The following LAMA4 variants were observed in gnomAD, a reference collection of about 807,000 sequenced individuals.
LAMA4 encodes the protein laminin subunit alpha 4.
Under a neutral mutation model 207.1 loss-of-function variants are expected in LAMA4, and 127 were observed. That is an observed-to-expected ratio of 0.61 (90% confidence interval 0.53 to 0.71). The LOEUF (loss-of-function observed/expected upper bound fraction) is 0.71. Among genes scored for constraint, LAMA4 ranks in the 30% least tolerant of loss-of-function variants. The probability of loss-of-function intolerance (pLI) is 0.00; values close to 1 mark genes in which losing one functional copy is unlikely to be tolerated. For missense variants in LAMA4, 2,093 were observed against 2,246.5 expected (o/e 0.93, Z 1.38); for synonymous variants, 761 against 816.0 (o/e 0.93, Z 1.15).
chr6:112,222,857 A>G (rs1554361001), intron 2 of LAMA4, among the ~76,000 whole-genome samples: 2 of 152,190 alleles, frequency 1.3e-5, no homozygotes, highest in East Asian at 3.8e-4. Context: ...CAGCCCCTAC[A>G]GCCGTACAGG....
At chr6:112,132,932 T>A in intron 27 of LAMA4, 42 bp from the exon 28 acceptor site, 1 of 1,596,478 alleles carries the variant, frequency 6.3e-7, no homozygotes, top group Non-Finnish European at 8.6e-7. Flanking sequence ...TTGAGAATTA[T>A]CAAATGCTTA....
At position 112,115,749 on chromosome 6, in the gene LAMA4, A is replaced by G. The variant is rs1254455866; in HGVS notation, c.5112+114T>C. ...TTACATTTCATGTTATAGCTTTCCT[A>G]TATTTCTTTTCAGTTAGGAAAGATT... On this transcript the variant is annotated intron_variant, in intron 36 of 38. Coordinates refer to ENST00000230538, the MANE Select transcript of LAMA4 (RefSeq NM_001105206.3). The G allele has an allele frequency of 3.9e-5, 44 of 1,136,872 alleles. No homozygotes were observed. The Admixed American group carries it at 6.9e-4, about 18-fold the overall frequency. 70.4% of individuals were successfully genotyped at this position (1,136,872 alleles called of 1,614,324 possible). A position where few individuals can be genotyped will look rare whatever the true frequency, so the allele number is the denominator to read the frequency against.
In LAMA4 at chr6:112,150,401, T is replaced by C. The variant is rs961508174; in HGVS notation, c.2173+110A>G. ...CGTATTTTGTCATCAGAAAATAACA[T>C]TTATGTATAAAATCATTGACAAACA... On this transcript the variant is annotated intron_variant, in intron 17 of 38. Coordinates refer to ENST00000230538, the MANE Select transcript of LAMA4 (RefSeq NM_001105206.3). 1.5e-5 allele frequency: 12 copies of C among 820,942 alleles called. No individual in the cohort carries two copies. In the African/African-American group the frequency reaches 1.6e-4, roughly 11 times the overall value. The allele number at this position is 820,942 out of a possible 1,614,324, so 50.9% of individuals were successfully genotyped here.
chr6:112,163,273 A>G (rs1331245482), intron 13 of LAMA4, among the ~76,000 whole-genome samples: 2 of 152,002 alleles, frequency 1.3e-5, no homozygotes, highest in Non-Finnish European at 2.9e-5. Flanking sequence ...GAGCCACTGC[A>G]CCAAACCAAA....
intron 38 of LAMA4, among the ~76,000 whole-genome samples, chr6:112,110,939 C>A (rs1777653867): frequency 6.6e-6 from 1 of 152,012 alleles, no homozygotes; most frequent in Non-Finnish European, 1.5e-5. Flanking sequence ...AGAATGTTTC[C>A]CAGGTTGAAT....
intron 25 of LAMA4, 45 bp from the exon 26 acceptor site, chr6:112,134,654 T>C (rs1779228416): frequency 2.1e-6 from 3 of 1,462,162 alleles, no homozygotes; most frequent in South Asian, 1.1e-5. Context: ...CTATTTAATA[T>C]TCAGTTCTTT....
At chr6:112,143,284 CTTTTT>C (rs61620762) in intron 19 of LAMA4, among the ~76,000 whole-genome samples, 1 of 124,882 alleles carries the variant, frequency 8.0e-6, no homozygotes. Context: ...AAAACTAATA[CTTTTT>C]TTTTTTTTTT....
rs1778184898 is a variant in LAMA4, at chr6:112,118,920, C to G, written c.4821+236G>C. Reference sequence around the variant, plus strand: ...TAAATTTTCATGATAATTTATGCCTCTGAAACTTTTTCATTTGACATCTAC... The same window carrying G: ...TAAATTTTCATGATAATTTATGCCTGTGAAACTTTTTCATTTGACATCTAC... On this transcript the variant is annotated intron_variant, in intron 34 of 38. Coordinates refer to ENST00000230538, the MANE Select transcript of LAMA4 (RefSeq NM_001105206.3). The surrounding 1 kb of genome is among the most constrained non-coding windows in gnomAD (Gnocchi z 4.6). Among the ~76,000 whole-genome samples, 1 of 152,102 alleles carries G rather than the reference C, an allele frequency of 6.6e-6. No homozygotes were observed.
At chr6:112,170,187 T>C (rs1188514016) in intron 12 of LAMA4, among the ~76,000 whole-genome samples, 1 of 152,240 alleles carries the variant, frequency 6.6e-6, no homozygotes, top group Non-Finnish European at 1.5e-5. Flanking sequence ...AAATACAGTT[T>C]ATCATTATCG....
At chr6:112,157,823 G>A (rs1554337365) in intron 14 of LAMA4, 2 of 152,044 alleles carry the variant, frequency 1.3e-5, no homozygotes, top group African/African-American at 4.8e-5. Flanking sequence ...CATGTTTCTA[G>A]GGCCATGATA....
At position 112,118,090 on chromosome 6, in the gene LAMA4, T is replaced by C. The variant is rs78923096; in HGVS notation, c.4822-192A>G. Among the ~76,000 whole-genome samples the C allele has an allele frequency of 0.011, 1,619 of 152,342 alleles. 27 individuals carry two copies. The highest frequency in any genetic ancestry group is 0.034 in the African/African-American group (1,415 of 41,578). ...GTTGTTTGAAGCTGGAATTTTGTAT[T>C]TGATAATGTCAACCTGTAGTAATTA... On this transcript the variant is annotated intron_variant, in intron 34 of 38. Coordinates refer to ENST00000230538, the MANE Select transcript of LAMA4 (RefSeq NM_001105206.3). The surrounding 1 kb of genome is among the most constrained non-coding windows in gnomAD (Gnocchi z 4.6).
At chr6:112,239,321 CAAAAAAA>C (rs1202967086) in intron 2 of LAMA4, among the ~76,000 whole-genome samples, 3 of 78,240 alleles carry the variant, frequency 3.8e-5, no homozygotes, top group Admixed American at 2.8e-4. Flanking sequence ...GACTCCATCT[CAAAAAAA>C]AAAAAAAAAA....
At chr6:112,154,249 TG>T (rs1237064886) in intron 16 of LAMA4, among the ~76,000 whole-genome samples, 1 of 151,728 alleles carries the variant, frequency 6.6e-6, no homozygotes, top group Non-Finnish European at 1.5e-5. Context: ...CCCTCACCCT[TG>T]GATGTGCACA....
At chr6:112,217,284 G>A (rs2115063796) in intron 2 of LAMA4, among the ~76,000 whole-genome samples, 1 of 152,292 alleles carries the variant, frequency 6.6e-6, no homozygotes, top group East Asian at 1.9e-4. Flanking sequence ...TATGTGATTA[G>A]GCTGTGGATA....
At chr6:112,218,342 T>G (rs1784745158) in intron 2 of LAMA4, 1 of 152,206 alleles carries the variant, frequency 6.6e-6, no homozygotes, top group Non-Finnish European at 1.5e-5. Flanking sequence ...TAACTTTAGA[T>G]TTACAGAAAA....
chr6:112,132,952 A>G lies in LAMA4; in HGVS notation c.3697-62T>C, dbSNP rs6919224. On this transcript the variant is annotated intron_variant, in intron 27 of 38. Coordinates refer to ENST00000230538, the MANE Select transcript of LAMA4 (RefSeq NM_001105206.3). Reference sequence around the variant, plus strand: ...AATTATCAAATGCTTAAAACTATCAATGTTTCACATACGGAAGGCCTTGCC... The same window carrying G: ...AATTATCAAATGCTTAAAACTATCAGTGTTTCACATACGGAAGGCCTTGCC... 1.8e-4 allele frequency: 269 copies of G among 1,521,912 alleles called. No individual in the cohort carries two copies. The African/African-American group carries it at 3.3e-3, about 19-fold the overall frequency. 94.3% of individuals were successfully genotyped at this position (1,521,912 alleles called of 1,614,324 possible).
In LAMA4 at chr6:112,150,017, T is replaced by C. The variant is rs114787696; in HGVS notation, c.2173+494A>G. Among the ~76,000 whole-genome samples, 1,091 of 152,330 alleles carry C rather than the reference T, an allele frequency of 7.2e-3. 9 individuals are homozygous for C. The highest frequency in any genetic ancestry group is 0.024 in the African/African-American group (1,004 of 41,564). ...CTCTATTTGGGCTTGTTGGTCTCCC[T>C]GGTTTCTATTTGGTCTCTGGGCCTG... On this transcript the variant is annotated intron_variant, in intron 17 of 38. Transcript: ENST00000230538.
In LAMA4 at chr6:112,189,133, GT is replaced by G; in HGVS notation, c.790del (p.Thr264GlnfsTer8). On this transcript the variant is annotated frameshift_variant, in exon 7 of 39. Coordinates refer to ENST00000230538, the MANE Select transcript of LAMA4 (RefSeq NM_001105206.3). LOFTEE classifies it high-confidence loss of function. ...ACTTATGGTTGGGCAGTCCATGCCT[GT>G]AGGGGGTTCAAAACCTTCTTCCAAG... ...ECLEEGFEPP[T>X]GMDCPTISCD... 6.2e-7 allele frequency: 1 copy of G among 1,613,598 alleles called. No individual in the cohort carries two copies.
rs1554190464 is a variant in LAMA4 at position 112,253,982 on chromosome 6, G to A, written c.169C>T (p.Leu57=). The stretch of plus-strand genomic sequence containing the variant: ...TCGGCCGCAGGCGGCAGGCGTCCCA[G>A]AGCCACGCGGGGTTCGCTCGTCTCA... ...PPETSEPRVA[L]GRLPPAAEKC... is the part of the protein sequence containing the mutation. Residue 57 remains leucine (L), a synonymous_variant, in exon 2 of 39, where the codon CTG becomes TTG. Coordinates refer to ENST00000230538, the MANE Select transcript of LAMA4 (RefSeq NM_001105206.3). 4 of 1,587,074 alleles carry A rather than the reference G, an allele frequency of 2.5e-6. No homozygotes were observed. The Admixed American group carries it at 5.5e-5, about 22-fold the overall frequency.
Sources: gnomAD v4.1 joint callset for allele counts (sites outside exome capture counted in the v4.1 genomes callset) on GRCh38, gnomAD v4.1.1 for gene constraint, Gnocchi (gnomAD v3.1) non-coding constraint, MANE v1.5 for transcripts, NCBI Gene and HGNC (gene_info 2026-07-23, HGNC 2026-07-21) for gene names.